SORBS2: variants seen among roughly 807,000 people sequenced by gnomAD.
The protein encoded by SORBS2 is sorbin and SH3 domain-containing protein 2.
SORBS2 carries 46 observed loss-of-function variants against 97.7 expected under a neutral mutation model. The ratio of observed to expected loss-of-function variants is 0.47; its 90% CI spans 0.37 to 0.60. The LOEUF (loss-of-function observed/expected upper bound fraction) is 0.60, where lower values mean the gene tolerates loss of function less well. Ranked by LOEUF, SORBS2 falls within the 20% of genes least tolerant of loss-of-function variation. The pLI, the probability that SORBS2 is intolerant of heterozygous loss-of-function variation, is 0.00. For missense variants in SORBS2, 1,316 were observed against 1,282.3 expected (o/e 1.03, Z -0.40); for synonymous variants, 476 against 473.4 (o/e 1.01, Z -0.07).
intron 1 of SORBS2, among the ~76,000 whole-genome samples, chr4:185,871,229 T>G (rs1385584254): frequency 1.3e-5 from 2 of 152,220 alleles, no homozygotes. Flanking sequence ...GGTGAAATCC[T>G]TTTTCATTCT....
chr4:185,912,032 C>T (rs958948745), intron 1 of SORBS2, among the ~76,000 whole-genome samples: 2 of 152,158 alleles, frequency 1.3e-5, no homozygotes, highest in Non-Finnish European at 2.9e-5. Context: ...CTCAGAAGAG[C>T]TGGACTTTGT....
intron 12 of SORBS2, among the ~76,000 whole-genome samples, chr4:185,609,403 C>G (rs2096494408): frequency 6.6e-6 from 1 of 152,206 alleles, no homozygotes; most frequent in Admixed American, 6.5e-5. Flanking sequence ...ATTCCCTTGT[C>G]ATTACTGCCA....
In SORBS2 at chr4:185,607,559, T is replaced by A. The variant is rs1454886727; in HGVS notation, c.2796+4221A>T. ...ATTTAAATACATAAAATCATTTATG[T>A]TAATTAGAAAAGTTACTTCACAAAT... On this transcript the variant is annotated intron_variant, in intron 12 of 14. Transcript: ENST00000418609. The surrounding 1 kb of genome is among the most constrained non-coding windows in gnomAD (Gnocchi z 5.2). 6.6e-6 allele frequency among the ~76,000 whole-genome samples: 1 copy of A among 152,208 alleles called. No individual in the cohort carries two copies. Among genetic ancestry groups the A allele is most frequent in the African/African-American group, 2.4e-5 (1 of 41,468 alleles).
At chr4:185,693,190 T>C (rs559530467) in intron 2 of SORBS2, among the ~76,000 whole-genome samples, 5 of 152,318 alleles carry the variant, frequency 3.3e-5, no homozygotes, top group Non-Finnish European at 5.9e-5. Context: ...TGATGGTGAA[T>C]TTTATCTCCT....
intron 1 of SORBS2, among the ~76,000 whole-genome samples, chr4:185,806,173 C>T (rs985957378): frequency 6.6e-6 from 1 of 152,230 alleles, no homozygotes; most frequent in Non-Finnish European, 1.5e-5. Context: ...AGCCAGGCTG[C>T]TGCCTCTGTG....
At chr4:185,697,631 T>G (rs1382384776) in intron 2 of SORBS2, among the ~76,000 whole-genome samples, 1 of 152,218 alleles carries the variant, frequency 6.6e-6, no homozygotes, top group African/African-American at 2.4e-5. Flanking sequence ...CTCTTTCCCT[T>G]TGACAGCTGA....
intron 2 of SORBS2, among the ~76,000 whole-genome samples, chr4:185,685,362 A>G (rs1346144580): frequency 6.6e-6 from 1 of 152,196 alleles, no homozygotes; most frequent in Middle Eastern, 3.2e-3. Flanking sequence ...TGACACAGGT[A>G]TGATACATTT....
At chr4:185,823,805 C>T (rs184471340) in intron 1 of SORBS2, among the ~76,000 whole-genome samples, 2 of 152,122 alleles carry the variant, frequency 1.3e-5, no homozygotes, top group South Asian at 2.1e-4. Context: ...TTTTCAAGGC[C>T]GTGCATGCAT....
At chr4:185,767,247 C>T (rs1465398588) in intron 2 of SORBS2, among the ~76,000 whole-genome samples, 1 of 151,718 alleles carries the variant, frequency 6.6e-6, no homozygotes, top group African/African-American at 2.4e-5. Flanking sequence ...GCCTGTAATC[C>T]CAGCACTTTG....
At position 185,593,951 on chromosome 4, in the gene SORBS2, T is replaced by G; in HGVS notation, c.2797-16A>C. 5.1e-6 allele frequency: 8 copies of G among 1,580,266 alleles called. No homozygotes were observed. The highest frequency in any genetic ancestry group is 6.1e-6 in the Non-Finnish European group (7 of 1,149,252). ...GACGCTGTGGCTGAAATGAAATGAT[T>G]TTCAATGTAATCAATGTTTAAACTG... is the stretch of plus-strand genomic sequence containing the variant. On this transcript the variant is annotated splice_polypyrimidine_tract_variant and intron_variant, in intron 12 of 14. Coordinates refer to ENST00000418609, the Ensembl canonical transcript of SORBS2.
At chr4:185,892,065 C>T (rs893164283) in intron 1 of SORBS2, among the ~76,000 whole-genome samples, 2 of 152,136 alleles carry the variant, frequency 1.3e-5, no homozygotes, top group Admixed American at 6.6e-5. Flanking sequence ...GATCTCCTGA[C>T]CTCGTGATCC....
intron 2 of SORBS2, among the ~76,000 whole-genome samples, chr4:185,724,951 T>C (rs1245708015): frequency 6.6e-6 from 1 of 152,248 alleles, no homozygotes; most frequent in Admixed American, 6.5e-5. Flanking sequence ...TTAAGGATAG[T>C]GTCTTTTTCA....
chr4:185,893,293 C>T (rs1011215825), intron 1 of SORBS2, among the ~76,000 whole-genome samples: 9 of 152,152 alleles, frequency 5.9e-5, no homozygotes, highest in East Asian at 1.9e-4. Context: ...ATAACATCTG[C>T]GAGTGTGAGC....
intron 1 of SORBS2, among the ~76,000 whole-genome samples, chr4:185,852,013 C>A (rs1013600384): frequency 1.3e-5 from 2 of 152,132 alleles, no homozygotes; most frequent in African/African-American, 2.4e-5. Flanking sequence ...AACAGGGACC[C>A]TTGCATAACA....
At chr4:185,721,375 C>T (rs914310292) in intron 2 of SORBS2, among the ~76,000 whole-genome samples, 1 of 152,122 alleles carries the variant, frequency 6.6e-6, no homozygotes, top group East Asian at 1.9e-4. Context: ...ATACCCGGTC[C>T]CCACCTACTC....
intron 2 of SORBS2, among the ~76,000 whole-genome samples, chr4:185,735,972 T>A (rs34532965): frequency 0.23 from 35,606 of 152,180 alleles, 4,876 homozygotes; most frequent in Non-Finnish European, 0.3. Context: ...CAAGTTCTTA[T>A]ATCAATAACA....
intron 1 of SORBS2, chr4:185,933,210 T>A (rs556349660): frequency 3.3e-5 from 5 of 152,294 alleles, no homozygotes; most frequent in African/African-American, 1.2e-4. Flanking sequence ...ATAATTACAG[T>A]TTCATATGTT....
At chr4:185,620,150 G>C in exon 8 of SORBS2, 2 of 1,597,454 alleles carry the variant, frequency 1.3e-6, no homozygotes, top group Non-Finnish European at 1.7e-6. Context: ...GGGACTCACG[G>C]TCTATTGGAA....
intron 12 of SORBS2, among the ~76,000 whole-genome samples, chr4:185,597,282 C>T (rs1385532964): frequency 1.3e-5 from 2 of 152,142 alleles, no homozygotes; most frequent in African/African-American, 4.8e-5. Flanking sequence ...GAGGGTTAAT[C>T]GGGTCCCCTC....
Sources: allele counts gnomAD v4.1 joint callset (sites outside exome capture counted in the v4.1 genomes callset), GRCh38; gene constraint gnomAD v4.1.1; non-coding constraint Gnocchi (gnomAD v3.1); transcripts MANE v1.5; gene names NCBI Gene and HGNC (gene_info 2026-07-23, HGNC 2026-07-21).